The following SLC25A48 variants were observed in gnomAD, a reference collection of about 807,000 sequenced individuals.
SLC25A48 encodes solute carrier family 25 member 48.
A neutral mutation model predicts 32.2 loss-of-function variants in SLC25A48; 29 were observed. That is an observed-to-expected ratio of 0.90 (90% confidence interval 0.67 to 1.23). The LOEUF (loss-of-function observed/expected upper bound fraction) is 1.23. SLC25A48 is among the 50% of genes most tolerant of loss of function. The pLI is 0.00. For synonymous variants in SLC25A48, 164 were observed against 172.3 expected, an observed-to-expected ratio of 0.95 and a Z score of 0.38; for missense variants, 399 against 422.7, an observed-to-expected ratio of 0.94 and a Z score of 0.49.
chr5:135,643,734 G>A (rs570075490), intron 3 of SLC25A48, among the ~76,000 whole-genome samples: 5 of 152,280 alleles, frequency 3.3e-5, no homozygotes, highest in East Asian at 1.9e-4. Context: ...CCAGGTTAGT[G>A]AGCAGCGACC....
chr5:135,695,213 T>C (rs1754237164), intron 3 of SLC25A48, among the ~76,000 whole-genome samples: 1 of 152,208 alleles, frequency 6.6e-6, no homozygotes, highest in Admixed American at 6.5e-5. Context: ...TCCCTGTCCA[T>C]CCAGTCTGAG....
intron 3 of SLC25A48, among the ~76,000 whole-genome samples, chr5:135,740,784 A>G (rs545195382): frequency 2.0e-5 from 3 of 152,184 alleles, no homozygotes; most frequent in Non-Finnish European, 4.4e-5. Context: ...GCTGCCCCCC[A>G]GCCCTGCTCA....
At chr5:135,829,794 C>T (rs1758157504), upstream of SLC25A48, among the ~76,000 whole-genome samples, 1 of 152,004 alleles carries the variant, frequency 6.6e-6, no homozygotes, top group Non-Finnish European at 1.5e-5. Flanking sequence ...TGGAGTCAAA[C>T]AGCAGGTGTG....
At chr5:135,636,150 C>T (rs1240163292) in intron 3 of SLC25A48, among the ~76,000 whole-genome samples, 1 of 152,220 alleles carries the variant, frequency 6.6e-6, no homozygotes, top group Non-Finnish European at 1.5e-5. Flanking sequence ...AGATTGCCCA[C>T]ATATAGGTTA....
intron 3 of SLC25A48, among the ~76,000 whole-genome samples, chr5:135,794,972 T>C (rs1259998168): frequency 1.3e-5 from 2 of 151,722 alleles, no homozygotes; most frequent in East Asian, 3.9e-4. Context: ...TTCTGTGATA[T>C]GGTTCCTAAT....
At chr5:135,611,392 G>A (rs1371515293) in intron 1 of SLC25A48, among the ~76,000 whole-genome samples, 1 of 148,628 alleles carries the variant, frequency 6.7e-6, no homozygotes, top group Non-Finnish European at 1.5e-5. Flanking sequence ...GTGTGCGCTT[G>A]TAGTCCCAGC....
intron 3 of SLC25A48, among the ~76,000 whole-genome samples, chr5:135,788,197 C>G (rs138952466): frequency 6.7e-6 from 1 of 148,904 alleles, no homozygotes; most frequent in South Asian, 2.1e-4. Flanking sequence ...TCCCTTGTAG[C>G]GGGGGTCGTA....
chr5:135,611,824 C>T (rs1752079648), intron 1 of SLC25A48, among the ~76,000 whole-genome samples: 1 of 152,146 alleles, frequency 6.6e-6, no homozygotes, highest in African/African-American at 2.4e-5. Context: ...AAGAATGTTC[C>T]CCCTTATTCC....
At chr5:135,835,831 C>T (rs1170505921) in intron 1 of SLC25A48, among the ~76,000 whole-genome samples, 1 of 152,230 alleles carries the variant, frequency 6.6e-6, no homozygotes, top group Admixed American at 6.5e-5. Context: ...AACTCCTCCC[C>T]TCCTACCTAG....
intron 2 of SLC25A48, among the ~76,000 whole-genome samples, chr5:135,632,025 T>G (rs1055159780): frequency 6.6e-6 from 1 of 152,210 alleles, no homozygotes; most frequent in African/African-American, 2.4e-5. Flanking sequence ...ACCTATGTGG[T>G]TCTTGGCCTC....
intron 3 of SLC25A48, among the ~76,000 whole-genome samples, chr5:135,671,993 C>T (rs1440117634): frequency 1.3e-5 from 2 of 152,134 alleles, no homozygotes; most frequent in African/African-American, 4.8e-5. Flanking sequence ...CTGGCCTTCC[C>T]AGAGGAATTG....
chr5:135,872,041 G>A (rs910587370), intron 5 of SLC25A48: 38 of 1,239,492 alleles, frequency 3.1e-5, no homozygotes, highest in Non-Finnish European at 3.6e-5. Flanking sequence ...TGCAATCTTT[G>A]TAATGTAAGG....
chr5:135,671,666 T>A (rs1332860868), intron 3 of SLC25A48: 1 of 152,194 alleles, frequency 6.6e-6, no homozygotes, highest in Non-Finnish European at 1.5e-5. Flanking sequence ...GTCAGCAGCC[T>A]ATGGAGGAAG....
At chr5:135,627,101 G>A (rs1580734149) in intron 1 of SLC25A48, among the ~76,000 whole-genome samples, 1 of 152,326 alleles carries the variant, frequency 6.6e-6, no homozygotes, top group East Asian at 1.9e-4. Flanking sequence ...AGAAATGAAA[G>A]AAGAGTATTG....
At chr5:135,734,719 A>C (rs1755312416) in intron 3 of SLC25A48, among the ~76,000 whole-genome samples, 1 of 150,546 alleles carries the variant, frequency 6.6e-6, no homozygotes, top group Non-Finnish European at 1.5e-5. Flanking sequence ...CAGGAGGCTG[A>C]GGCAGGAGAG....
At chr5:135,580,026 A>T (rs1006777434) in intron 1 of SLC25A48, among the ~76,000 whole-genome samples, 1 of 152,252 alleles carries the variant, frequency 6.6e-6, no homozygotes, top group Non-Finnish European at 1.5e-5. Context: ...GTCAGTACCC[A>T]GGAAATGTTA....
chr5:135,767,272 C>T (rs888714052), intron 3 of SLC25A48, among the ~76,000 whole-genome samples: 3 of 150,236 alleles, frequency 2.0e-5, no homozygotes, highest in Admixed American at 1.3e-4. Flanking sequence ...TCATATGGTT[C>T]GTAATGTCCA....
intron 1 of SLC25A48, among the ~76,000 whole-genome samples, chr5:135,839,219 T>G (rs1758793842): frequency 6.6e-6 from 1 of 152,230 alleles, no homozygotes; most frequent in African/African-American, 2.4e-5. Context: ...GAGACACTCA[T>G]GCCAGCAGCT....
At chr5:135,741,389 G>A (rs1303956264) in intron 3 of SLC25A48, among the ~76,000 whole-genome samples, 1 of 152,162 alleles carries the variant, frequency 6.6e-6, no homozygotes, top group Admixed American at 6.5e-5. Context: ...TATGTAATTA[G>A]GCTTTGTGGG....
Sources: allele counts gnomAD v4.1 joint callset (sites outside exome capture counted in the v4.1 genomes callset), GRCh38; gene constraint gnomAD v4.1.1; transcripts MANE v1.5; gene names NCBI Gene and HGNC (gene_info 2026-07-23, HGNC 2026-07-21).